MARCHF4: variants seen among roughly 807,000 people sequenced by gnomAD.
MARCHF4 encodes the protein membrane associated ring-CH-type finger 4.
Under a neutral mutation model 43.9 loss-of-function variants are expected in MARCHF4, and 14 were observed. That is an observed-to-expected ratio of 0.32 (90% CI 0.21 to 0.50). The LOEUF (loss-of-function observed/expected upper bound fraction) is 0.50. MARCHF4 is among the 20% of genes least tolerant of loss of function. The pLI, the probability that MARCHF4 is intolerant of heterozygous loss-of-function variation, is 0.98. For synonymous variants in MARCHF4, 226 were observed against 213.3 expected, an observed-to-expected ratio of 1.06 and a Z score of -0.52; for missense variants, 468 against 536.7, an observed-to-expected ratio of 0.87 and a Z score of 1.27.
At chr2:216,300,077 A>G (rs1691462262) in intron 1 of MARCHF4, among the ~76,000 whole-genome samples, 1 of 152,184 alleles carries the variant, frequency 6.6e-6, no homozygotes, top group East Asian at 1.9e-4. Flanking sequence ...ATAGGGAAGC[A>G]TGAAGATCTA....
intron 1 of MARCHF4, among the ~76,000 whole-genome samples, chr2:216,326,270 C>T (rs1344542246): frequency 6.6e-6 from 1 of 151,942 alleles, no homozygotes; most frequent in African/African-American, 2.4e-5. Context: ...GATACCATCT[C>T]ACACCAGTTA....
intron 3 of MARCHF4, among the ~76,000 whole-genome samples, chr2:216,261,198 A>T (rs1428031714): frequency 6.6e-6 from 1 of 152,200 alleles, no homozygotes; most frequent in African/African-American, 2.4e-5. Flanking sequence ...GGAGATCAGA[A>T]GTCTAAAATC....
At position 216,370,338 on chromosome 2, in the gene MARCHF4, C is replaced by T; in HGVS notation, c.-78G>A. The T allele has an allele frequency of 5.8e-6, 8 of 1,390,790 alleles. No individual in the cohort carries two copies. Among genetic ancestry groups the T allele is most frequent in the Non-Finnish European group, 7.6e-6 (8 of 1,049,134 alleles). 86.2% of individuals were successfully genotyped at this position (1,390,790 alleles called of 1,614,324 possible). On this transcript the variant is annotated 5_prime_UTR_variant, in exon 1 of 4. Transcript: ENST00000273067. ...GGGGACAGGACAGGTTTTGGGGGTC[C>T]ACAGTGGATCTGTGTTGTGGGGGGA...
intron 1 of MARCHF4, among the ~76,000 whole-genome samples, chr2:216,364,529 A>T (rs1445280011): frequency 6.6e-6 from 1 of 152,164 alleles, no homozygotes; most frequent in Non-Finnish European, 1.5e-5. Flanking sequence ...TCTCTTCTGG[A>T]ATATGCTCCA....
chr2:216,351,988 C>A (rs2105979737), intron 1 of MARCHF4, among the ~76,000 whole-genome samples: 1 of 152,278 alleles, frequency 6.6e-6, no homozygotes, highest in African/African-American at 2.4e-5. Context: ...TAGATAATTC[C>A]AAGTGCTGAG....
Position 216,370,205 on chromosome 2 carries a change from C to G in MARCHF4, c.56G>C (p.Trp19Ser), listed in dbSNP as rs370678206. 85 of 1,611,660 alleles carry G rather than the reference C, an allele frequency of 5.3e-5. No individual in the cohort carries two copies. Among genetic ancestry groups the G allele is most frequent in the Middle Eastern group, 4.9e-4 (3 of 6,076 alleles). The change falls in exon 1 of 4, where the codon TGG becomes TCG. Residue 19 changes from tryptophan (W) to serine (S), a missense_variant. By Grantham distance (177) the Trp-to-Ser change is radical. Coordinates refer to ENST00000273067, the MANE Select transcript of MARCHF4 (RefSeq NM_020814.3). ...LWWWWCCCSG[W>S]YCYGLCAPAP... is the part of the protein sequence containing the mutation. The stretch of plus-strand genomic sequence containing the variant: ...TGGGGCACACAATCCATAGCAGTAC[C>G]AGCCGGAGCAGCAGCACCACCACCA...
At chr2:216,266,746 C>T (rs1008821954) in intron 3 of MARCHF4, among the ~76,000 whole-genome samples, 3 of 152,160 alleles carry the variant, frequency 2.0e-5, no homozygotes, top group African/African-American at 7.2e-5. Context: ...GACCAAAGCA[C>T]ATATCAGGGA....
At chr2:216,368,440 A>G (rs772106947) in intron 1 of MARCHF4, among the ~76,000 whole-genome samples, 1 of 152,234 alleles carries the variant, frequency 6.6e-6, no homozygotes, top group Non-Finnish European at 1.5e-5. Context: ...CCAGCCTCTC[A>G]GAGACATTTA....
chr2:216,354,939 CT>C (rs1387745673), intron 1 of MARCHF4, among the ~76,000 whole-genome samples: 1 of 137,888 alleles, frequency 7.3e-6, no homozygotes, highest in African/African-American at 2.8e-5. Context: ...TTCTTTCTTT[CT>C]TTCTTTCTTT....
chr2:216,327,237 C>G (rs1395330306), intron 1 of MARCHF4, among the ~76,000 whole-genome samples: 9 of 152,018 alleles, frequency 5.9e-5, no homozygotes, highest in African/African-American at 2.2e-4. Flanking sequence ...AAATCCATGC[C>G]TCTTTTTGAT....
At chr2:216,270,761 T>A (rs1347009377) in intron 3 of MARCHF4, among the ~76,000 whole-genome samples, 1 of 152,044 alleles carries the variant, frequency 6.6e-6, no homozygotes, top group Non-Finnish European at 1.5e-5. Flanking sequence ...TCCACAATGG[T>A]GCCCATTCCC....
intron 2 of MARCHF4, among the ~76,000 whole-genome samples, chr2:216,279,417 T>C (rs965988245): frequency 1.3e-5 from 2 of 152,132 alleles, no homozygotes; most frequent in African/African-American, 4.8e-5. Context: ...TAAGTGTAGA[T>C]GTGATGATAT....
At position 216,370,286 on chromosome 2, in the gene MARCHF4, A is replaced by C; in HGVS notation, c.-26T>G. On this transcript the variant is annotated 5_prime_UTR_variant, in exon 1 of 4. Transcript: ENST00000273067. ...GTGCCCCGTGGAAGTAGAGAGCCCA[A>C]GAGGGGTGGCTGGAGTCTTAAAAGA... is the stretch of plus-strand genomic sequence containing the variant. The C allele has an allele frequency of 6.4e-7, 1 of 1,564,350 alleles. No individual in the cohort carries two copies. The highest frequency in any genetic ancestry group is 1.4e-5 in the African/African-American group (1 of 73,370).
chr2:216,327,857 A>G (rs1692019925), intron 1 of MARCHF4, among the ~76,000 whole-genome samples: 1 of 152,166 alleles, frequency 6.6e-6, no homozygotes, highest in South Asian at 2.1e-4. Context: ...AACCAGATCT[A>G]CAGGTTTTCT....
At chr2:216,353,800 G>A (rs938318388) in intron 1 of MARCHF4, among the ~76,000 whole-genome samples, 3 of 152,058 alleles carry the variant, frequency 2.0e-5, no homozygotes, top group African/African-American at 4.8e-5. Context: ...TGCCCACCTC[G>A]GCCTCCCAAA....
intron 1 of MARCHF4, among the ~76,000 whole-genome samples, chr2:216,288,283 T>C (rs962458943): frequency 6.6e-6 from 1 of 152,120 alleles, no homozygotes; most frequent in African/African-American, 2.4e-5. Flanking sequence ...TTAAATGAGA[T>C]CATATATGCA....
intron 1 of MARCHF4, among the ~76,000 whole-genome samples, chr2:216,313,823 T>C (rs1176407427): frequency 6.6e-6 from 1 of 152,238 alleles, no homozygotes; most frequent in Non-Finnish European, 1.5e-5. Context: ...GCCATTTAAA[T>C]GATTTGAGTC....
At chr2:216,279,257 G>T (rs1691084776) in intron 2 of MARCHF4, among the ~76,000 whole-genome samples, 2 of 152,228 alleles carry the variant, frequency 1.3e-5, no homozygotes, top group Non-Finnish European at 1.5e-5. Flanking sequence ...TGTGCCAGAA[G>T]AAAGCATGGG....
rs1690708704 is a variant in MARCHF4, at chr2:216,259,595, T to C, written c.950A>G (p.Tyr317Cys). 1 of 1,614,104 alleles carries C rather than the reference T, an allele frequency of 6.2e-7. No homozygotes were observed. The highest frequency in any genetic ancestry group is 1.3e-5 in the African/African-American group (1 of 74,942). The change falls in exon 4 of 4, where the codon TAT (tyrosine) becomes TGT (cysteine). Residue 317 changes from tyrosine to cysteine, a missense_variant. By Grantham distance (194) the Tyr-to-Cys change is radical. Coordinates refer to ENST00000273067, the MANE Select transcript of MARCHF4 (RefSeq NM_020814.3). Reference protein sequence around the residue: ...AVNQQWKVLNYDKTKDLEDQK... With the variant: ...AVNQQWKVLNCDKTKDLEDQK... ...ATCCTCCAGGTCTTTTGTCTTGTCA[T>C]AGTTCAGCACTTTCCACTGCTGGTT... is the stretch of plus-strand genomic sequence containing the variant.
Sources: allele counts gnomAD v4.1 joint callset (sites outside exome capture counted in the v4.1 genomes callset), GRCh38; gene constraint gnomAD v4.1.1; transcripts MANE v1.5; gene names NCBI Gene and HGNC (gene_info 2026-07-23, HGNC 2026-07-21).